The following GPHN variants were observed in gnomAD, a reference collection of about 807,000 sequenced individuals.
GPHN encodes the protein gephyrin.
Under a neutral mutation model 95.5 loss-of-function variants are expected in GPHN, and 17 were observed. The ratio of observed to expected loss-of-function variants is 0.18; its 90% CI spans 0.12 to 0.27. The LOEUF is 0.27. Ranked by LOEUF, GPHN falls within the 10% of genes least tolerant of loss-of-function variation. The pLI is 1.00. For missense variants in GPHN, 660 were observed against 978.1 expected, an observed-to-expected ratio of 0.67 and a Z score of 4.34; for synonymous variants, 320 against 322.5, an observed-to-expected ratio of 0.99 and a Z score of 0.08.
Position 66,922,893 on chromosome 14 carries a change from A to G in GPHN, c.684A>G (p.Glu228=), listed in dbSNP as rs140585415. The change falls in exon 7 of 23, where the codon GAA becomes GAG. Residue 228 remains glutamate, a synonymous_variant. Coordinates refer to ENST00000478722, the MANE Select transcript of GPHN (RefSeq NM_020806.5). The part of the protein sequence containing the change: ...EKKDSGVAST[E]DSSSSHITAA... ...AAGACAGTGGTGTTGCTTCAACAGA[A>G]GATAGTTCCTCATCACATATAACTG... 5 of 1,613,594 alleles carry G rather than the reference A, an allele frequency of 3.1e-6. No homozygotes were observed. The highest frequency in any genetic ancestry group is 4.2e-6 in the Non-Finnish European group (5 of 1,179,794).
intron 12 of GPHN, 115 bp downstream of exon 12, chr14:67,089,190 A>T: frequency 1.7e-6 from 1 of 593,062 alleles, no homozygotes; most frequent in Non-Finnish European, 2.9e-6. Context: ...GCACCCAGCA[A>T]CTGTTAGGTT....
chr14:67,562,905 A>G, the GPHN span: 8 of 1,608,738 alleles, frequency 5.0e-6, no homozygotes, highest in Non-Finnish European at 6.8e-6. Context: ...GTAAGAGGCA[A>G]CCTCCGGGCT....
chr14:67,360,025 A>T, the GPHN span: 1 of 510,600 alleles, frequency 2.0e-6, no homozygotes, highest in Non-Finnish European at 3.5e-6. Context: ...GCCAGGCCAA[A>T]GACTAGGAGC....
chr14:67,492,054 G>C, the GPHN span, among the ~76,000 whole-genome samples: 1 of 152,104 alleles, frequency 6.6e-6, no homozygotes, highest in Non-Finnish European at 1.5e-5. Flanking sequence ...CTCACTTGGA[G>C]GCCACCTGTC....
In GPHN at chr14:67,136,811, T is replaced by C. The variant is rs17104026; in HGVS notation, c.1749-6551T>C. Among the ~76,000 whole-genome samples the C allele has an allele frequency of 3.0e-3, 455 of 152,260 alleles. 3 individuals carry two copies. Among genetic ancestry groups the C allele is most frequent in the African/African-American group, 0.011 (437 of 41,566 alleles). ...ATGTTTTCATGTAATATTGGTACTC[T>C]AAGAGAACAATGGTTAGGTATTTAA... On this transcript the variant is annotated intron_variant, in intron 17 of 22. Coordinates refer to ENST00000478722, the MANE Select transcript of GPHN (RefSeq NM_020806.5).
At chr14:66,992,586 A>G (rs1315346802) in intron 9 of GPHN, among the ~76,000 whole-genome samples, 1 of 152,198 alleles carries the variant, frequency 6.6e-6, no homozygotes, top group Non-Finnish European at 1.5e-5. Flanking sequence ...AGATCTTTAA[A>G]GATGAGTATT....
chr14:67,347,150 A>AT, the GPHN span, among the ~76,000 whole-genome samples: 1 of 151,958 alleles, frequency 6.6e-6, no homozygotes, highest in Non-Finnish European at 1.5e-5. Flanking sequence ...CACCTGGCTG[A>AT]TTTTTTATAT....
At chr14:67,148,497 A>G (rs959379213) in intron 18 of GPHN, among the ~76,000 whole-genome samples, 2 of 151,352 alleles carry the variant, frequency 1.3e-5, no homozygotes, top group Non-Finnish European at 2.9e-5. Flanking sequence ...GGTCCTTGAG[A>G]CCTTTTAAGA....
chr14:66,965,287 A>T lies in GPHN; in HGVS notation c.925A>T (p.Thr309Ser). Residue 309 changes from threonine to serine, a missense_variant, in exon 9 of 23, where the codon ACA (threonine) becomes TCA (serine). Transcript: ENST00000478722. ...TPSESPRAQATSRLSTASCPT... is the reference protein window; with the variant it reads ...TPSESPRAQASSRLSTASCPT... The stretch of plus-strand genomic sequence containing the variant: ...TTCAGAATCGCCTCGTGCTCAGGCT[A>T]CATCTCGCCTCTCTACAGCTTCCTG... 5 of 1,613,680 alleles carry T rather than the reference A, an allele frequency of 3.1e-6. No homozygotes were observed. The highest frequency in any genetic ancestry group is 4.2e-6 in the Non-Finnish European group (5 of 1,179,696).
At position 66,921,502 on chromosome 14, in the gene GPHN, C is replaced by T. The variant is rs558395765; in HGVS notation, c.457-1164C>T. Reference sequence around the variant, plus strand: ...GTTCGTTGTAGATTCTGGATATTAGCCCTTTGTCAGATGAGTAGATTGTGA... The same window carrying T: ...GTTCGTTGTAGATTCTGGATATTAGTCCTTTGTCAGATGAGTAGATTGTGA... On this transcript the variant is annotated intron_variant, in intron 6 of 22. Coordinates refer to ENST00000478722, the MANE Select transcript of GPHN (RefSeq NM_020806.5). Among the ~76,000 whole-genome samples, 3 of 150,154 alleles carry T rather than the reference C, an allele frequency of 2.0e-5. No homozygotes were observed. In the South Asian group the frequency reaches 6.3e-4, roughly 32 times the overall value.
At chr14:67,577,231 G>A in the GPHN span, 2 of 919,316 alleles carry the variant, frequency 2.2e-6, no homozygotes, top group Middle Eastern at 2.1e-4. Flanking sequence ...AATTAAAGAT[G>A]GCGGTGAGTG....
intron 4 of GPHN, among the ~76,000 whole-genome samples, chr14:66,852,641 A>T (rs1277588392): frequency 6.6e-6 from 1 of 152,228 alleles, no homozygotes; most frequent in Non-Finnish European, 1.5e-5. Flanking sequence ...TCACCGGGTG[A>T]TAGCTTCATT....
At chr14:67,256,368 A>G in the GPHN span, among the ~76,000 whole-genome samples, 16 of 152,296 alleles carry the variant, frequency 1.1e-4, 1 homozygote, top group South Asian at 1.2e-3. Flanking sequence ...TAGTCACAAT[A>G]AAAAGTAGAA....
chr14:67,072,820 G>A (rs1403837719), intron 11 of GPHN, among the ~76,000 whole-genome samples: 2 of 150,304 alleles, frequency 1.3e-5, no homozygotes, highest in African/African-American at 4.9e-5. Flanking sequence ...AACCATTAAT[G>A]TCTTATCATT....
At chr14:67,062,622 C>T (rs1204326256) in intron 11 of GPHN, among the ~76,000 whole-genome samples, 1 of 151,988 alleles carries the variant, frequency 6.6e-6, no homozygotes, top group Non-Finnish European at 1.5e-5. Flanking sequence ...GAGTATAGTA[C>T]ATGAAACACT....
intron 3 of GPHN, among the ~76,000 whole-genome samples, chr14:66,818,675 G>A (rs757560363): frequency 4.6e-5 from 7 of 152,092 alleles, no homozygotes; most frequent in Non-Finnish European, 5.9e-5. Flanking sequence ...GAGGAATCGC[G>A]ACACTGTCTT....
chr14:67,626,439 G>T, the GPHN span, among the ~76,000 whole-genome samples: 4 of 152,166 alleles, frequency 2.6e-5, no homozygotes, highest in Non-Finnish European at 4.4e-5. Context: ...GATCCTCAAA[G>T]TTAAATGTAT....
At chr14:67,371,553 T>G in the GPHN span, among the ~76,000 whole-genome samples, 1 of 152,352 alleles carries the variant, frequency 6.6e-6, no homozygotes, top group African/African-American at 2.4e-5. Flanking sequence ...ATAGACCTTA[T>G]AGCCTATACA....
At chr14:66,632,537 A>G (rs1439816563) in intron 1 of GPHN, among the ~76,000 whole-genome samples, 1 of 134,234 alleles carries the variant, frequency 7.4e-6, no homozygotes, top group Non-Finnish European at 1.6e-5. Flanking sequence ...CCTGTCACCC[A>G]GGCAGAGTGC....
Sources: allele counts gnomAD v4.1 joint callset (sites outside exome capture counted in the v4.1 genomes callset), GRCh38; gene constraint gnomAD v4.1.1; transcripts MANE v1.5; gene names NCBI Gene and HGNC (gene_info 2026-07-23, HGNC 2026-07-21).